Variants in PPARGC1A observed in about 807,000 individuals in gnomAD.
PPARGC1A encodes the protein peroxisome proliferator-activated receptor gamma coactivator 1-alpha.
Under a neutral mutation model 88.7 loss-of-function variants are expected in PPARGC1A, and 25 were observed. That is an observed-to-expected ratio of 0.28 (90% CI 0.21 to 0.39). PPARGC1A has a LOEUF of 0.39. Among genes scored for constraint, PPARGC1A ranks in the 10% least tolerant of loss-of-function variants. The probability of loss-of-function intolerance (pLI) is 1.00; values close to 1 mark genes in which losing one functional copy is unlikely to be tolerated. For synonymous variants in PPARGC1A, 363 were observed against 355.6 expected (o/e 1.02, Z -0.24); for missense variants, 880 against 968.7 (o/e 0.91, Z 1.22).
At chr4:23,881,336 T>G (rs1341529252) in intron 2 of PPARGC1A, 1 of 152,182 alleles carries the variant, frequency 6.6e-6, no homozygotes, top group Admixed American at 6.6e-5. Flanking sequence ...AAACACAGGT[T>G]GCGTAAGCAG....
the PPARGC1A span, among the ~76,000 whole-genome samples, chr4:24,167,721 A>AT: frequency 1.3e-5 from 2 of 152,078 alleles, no homozygotes; most frequent in Non-Finnish European, 2.9e-5. Context: ...GATGATTAGC[A>AT]TTTTTAGCAA....
the PPARGC1A span, among the ~76,000 whole-genome samples, chr4:24,314,286 C>A: frequency 4.1e-4 from 63 of 152,188 alleles, no homozygotes; most frequent in East Asian, 2.5e-3. Context: ...GAAATGTAAC[C>A]CCCATCACAG....
chr4:24,387,830 A>AAGAAAGAAAGAAAG, the PPARGC1A span, among the ~76,000 whole-genome samples: 3 of 96,546 alleles, frequency 3.1e-5, no homozygotes, highest in Admixed American at 1.2e-4. Context: ...GAAAGAGAGA[A>AAGAAAGAAAGAAAG]AGAGAGAAAG....
the PPARGC1A span, among the ~76,000 whole-genome samples, chr4:23,914,379 C>T: frequency 1.3e-5 from 2 of 152,134 alleles, no homozygotes; most frequent in East Asian, 3.8e-4. Context: ...CTCTAAAATA[C>T]ACTGTTGGGC....
chr4:24,159,721 T>C, the PPARGC1A span, among the ~76,000 whole-genome samples: 1 of 152,212 alleles, frequency 6.6e-6, no homozygotes, highest in African/African-American at 2.4e-5. Flanking sequence ...CCTTCCTCTC[T>C]GTGAGTTTAC....
chr4:24,103,537 G>A, the PPARGC1A span, among the ~76,000 whole-genome samples: 1 of 148,976 alleles, frequency 6.7e-6, no homozygotes, highest in African/African-American at 2.5e-5. Context: ...CTCTCCTTCT[G>A]GTCCAATGAG....
chr4:24,328,144 G>C, the PPARGC1A span, among the ~76,000 whole-genome samples: 2 of 152,006 alleles, frequency 1.3e-5, no homozygotes, highest in African/African-American at 4.8e-5. Context: ...CTGCACCCAG[G>C]TGAAATAAAC....
At chr4:23,927,412 C>A in the PPARGC1A span, among the ~76,000 whole-genome samples, 1 of 152,096 alleles carries the variant, frequency 6.6e-6, no homozygotes, top group African/African-American at 2.4e-5. Flanking sequence ...ATATTTATTT[C>A]TTCACATCCA....
the PPARGC1A span, among the ~76,000 whole-genome samples, chr4:23,951,896 T>C: frequency 5.3e-5 from 8 of 152,132 alleles, no homozygotes; most frequent in African/African-American, 1.2e-4. Flanking sequence ...GAACAGTTAT[T>C]AATGAAAGCT....
intron 2 of PPARGC1A, among the ~76,000 whole-genome samples, chr4:23,849,805 G>T (rs191866344): frequency 7.7e-4 from 112 of 145,180 alleles, no homozygotes; most frequent in African/African-American, 2.7e-3. Context: ...TGTAGATTTA[G>T]AATTTTTTTT....
chr4:24,427,526 C>T, the PPARGC1A span, among the ~76,000 whole-genome samples: 42,664 of 151,882 alleles, frequency 0.28, 6,378 homozygotes, highest in Non-Finnish European at 0.32. Flanking sequence ...GCGATCCACC[C>T]GTGACCTATC....
chr4:24,393,398 A>G, the PPARGC1A span, among the ~76,000 whole-genome samples: 1 of 152,226 alleles, frequency 6.6e-6, no homozygotes, highest in African/African-American at 2.4e-5. Flanking sequence ...AAGGCTTCCA[A>G]TCAAAATAGA....
chr4:24,234,552 T>C, the PPARGC1A span, among the ~76,000 whole-genome samples: 1 of 152,150 alleles, frequency 6.6e-6, no homozygotes, highest in African/African-American at 2.4e-5. Flanking sequence ...TTAGCTCCAA[T>C]TAGAATAAGT....
Position 23,803,069 on chromosome 4 carries a change from A to G in PPARGC1A, c.2020-724T>C, listed in dbSNP as rs192169378. ...CTGACCTGGCTTACAAAACTATTAC[A>G]TTTCTCATTAACTCAGAATTCTAAT... On this transcript the variant is annotated intron_variant, in intron 10 of 12. Transcript: ENST00000264867. Among the ~76,000 whole-genome samples the G allele has an allele frequency of 4.6e-5, 7 of 152,332 alleles. 1 individual carries two copies. The East Asian group carries it at 1.2e-3, about 25-fold the overall frequency.
At chr4:24,221,283 C>G in the PPARGC1A span, among the ~76,000 whole-genome samples, 1 of 152,002 alleles carries the variant, frequency 6.6e-6, no homozygotes, top group Non-Finnish European at 1.5e-5. Flanking sequence ...GAACACTTAC[C>G]AGGTGTCATG....
chr4:24,400,819 T>C, the PPARGC1A span, among the ~76,000 whole-genome samples: 1 of 152,124 alleles, frequency 6.6e-6, no homozygotes, highest in Non-Finnish European at 1.5e-5. Context: ...ATGGTGATGA[T>C]TTTTAAAAGC....
chr4:24,374,084 T>C, the PPARGC1A span, among the ~76,000 whole-genome samples: 1 of 152,192 alleles, frequency 6.6e-6, no homozygotes. Flanking sequence ...TTCTAAGAGG[T>C]GATCCCAGAT....
At chr4:23,923,421 C>T in the PPARGC1A span, among the ~76,000 whole-genome samples, 1,838 of 152,198 alleles carry the variant, frequency 0.012, 17 homozygotes, top group Middle Eastern at 0.02. Context: ...ATTCATTCAA[C>T]AATTGAGTGC....
intron 2 of PPARGC1A, among the ~76,000 whole-genome samples, chr4:23,852,844 C>T (rs1265530579): frequency 2.0e-5 from 3 of 152,046 alleles, no homozygotes. Context: ...GACACATGAC[C>T]CAGACAGGCA....
Sources: allele counts gnomAD v4.1 joint callset (sites outside exome capture counted in the v4.1 genomes callset), GRCh38; gene constraint gnomAD v4.1.1; transcripts MANE v1.5; gene names NCBI Gene and HGNC (gene_info 2026-07-23, HGNC 2026-07-21).